The following SLC8A1 variants were observed in gnomAD, a reference collection of about 807,000 sequenced individuals.
SLC8A1 encodes the protein solute carrier family 8 member A1.
A neutral mutation model predicts 68.3 loss-of-function variants in SLC8A1; 18 were observed. The ratio of observed to expected loss-of-function variants is 0.26; its 90% CI spans 0.18 to 0.39. SLC8A1 has a LOEUF of 0.39. SLC8A1 is among the 10% of genes least tolerant of loss of function. The probability of loss-of-function intolerance (pLI) is 1.00; values close to 1 mark genes in which losing one functional copy is unlikely to be tolerated. For synonymous variants in SLC8A1, 475 were observed against 415.5 expected, an observed-to-expected ratio of 1.14 and a Z score of -1.74; for missense variants, 985 against 1,156.7, an observed-to-expected ratio of 0.85 and a Z score of 2.15.
chr2:40,344,972 C>T (rs1443866709), intron 2 of SLC8A1, among the ~76,000 whole-genome samples: 1 of 151,824 alleles, frequency 6.6e-6, no homozygotes, highest in African/African-American at 2.4e-5. Flanking sequence ...CTAGAGGACT[C>T]TGGGAATCAT....
chr2:40,135,305 G>C (rs1390585656), intron 7 of SLC8A1, among the ~76,000 whole-genome samples: 1 of 152,194 alleles, frequency 6.6e-6, no homozygotes, highest in Non-Finnish European at 1.5e-5. Flanking sequence ...CAGAAGCAGG[G>C]AGACAGATAG....
At chr2:40,326,143 C>G (rs1218442679) in intron 2 of SLC8A1, among the ~76,000 whole-genome samples, 3 of 152,126 alleles carry the variant, frequency 2.0e-5, no homozygotes, top group South Asian at 4.1e-4. Flanking sequence ...GGTAGCAAAA[C>G]TATAGGACTC....
At chr2:40,360,477 T>A (rs997334763) in intron 2 of SLC8A1, among the ~76,000 whole-genome samples, 6 of 152,172 alleles carry the variant, frequency 3.9e-5, no homozygotes, top group African/African-American at 1.4e-4. Flanking sequence ...TCCTCTACCT[T>A]ATTGAATAAC....
intron 2 of SLC8A1, among the ~76,000 whole-genome samples, chr2:40,400,774 T>C (rs1398708087): frequency 6.6e-6 from 1 of 152,024 alleles, no homozygotes; most frequent in African/African-American, 2.4e-5. Flanking sequence ...CTAGAAGAGA[T>C]TTTGGTGATG....
chr2:40,239,527 A>T (rs1189021578), intron 2 of SLC8A1, among the ~76,000 whole-genome samples: 1 of 152,178 alleles, frequency 6.6e-6, no homozygotes, highest in Non-Finnish European at 1.5e-5. Flanking sequence ...GTACACAAGT[A>T]AATGTGGCAG....
At chr2:40,421,317 A>G (rs1259398491) in intron 2 of SLC8A1, among the ~76,000 whole-genome samples, 7 of 152,018 alleles carry the variant, frequency 4.6e-5, no homozygotes, top group Admixed American at 4.6e-4. Flanking sequence ...TAACTGGCTG[A>G]AAGGCACAAA....
At chr2:40,451,322 C>A (rs1024813243) in intron 1 of SLC8A1, among the ~76,000 whole-genome samples, 3 of 152,136 alleles carry the variant, frequency 2.0e-5, no homozygotes, top group Non-Finnish European at 4.4e-5. Context: ...CCCTGCTACC[C>A]CCTACATTTC....
chr2:40,396,896 C>T (rs1207497952), intron 2 of SLC8A1, among the ~76,000 whole-genome samples: 1 of 151,944 alleles, frequency 6.6e-6, no homozygotes, highest in Non-Finnish European at 1.5e-5. Flanking sequence ...CCACAGGGAT[C>T]CACTGTTCAG....
chr2:40,228,091 G>C (rs917894881), intron 2 of SLC8A1, among the ~76,000 whole-genome samples: 1 of 152,044 alleles, frequency 6.6e-6, no homozygotes, highest in Admixed American at 6.6e-5. Flanking sequence ...AAAACCATTT[G>C]TCTTGAGGAC....
chr2:40,162,600 T>C (rs533139378), intron 5 of SLC8A1, among the ~76,000 whole-genome samples: 76 of 152,324 alleles, frequency 5.0e-4, no homozygotes, highest in Admixed American at 7.2e-4. Context: ...TGGGGGATTA[T>C]AGTATAGCCA....
At chr2:40,310,061 G>A (rs146967391) in intron 2 of SLC8A1, among the ~76,000 whole-genome samples, 1 of 152,130 alleles carries the variant, frequency 6.6e-6, no homozygotes, top group Non-Finnish European at 1.5e-5. Context: ...CATACAATAT[G>A]TCACCTTTTG....
At chr2:40,386,754 C>T (rs904801397) in intron 2 of SLC8A1, among the ~76,000 whole-genome samples, 2 of 150,960 alleles carry the variant, frequency 1.3e-5, no homozygotes, top group African/African-American at 4.9e-5. Flanking sequence ...GCATTGGTTA[C>T]TCCTCATTGC....
rs142703855 is a variant in SLC8A1 at position 40,098,545 on chromosome 2, G to A, written c.*16708C>T. 61 of 152,044 alleles carry A rather than the reference G, an allele frequency of 4.0e-4. No homozygotes were observed. In the East Asian group the frequency reaches 0.011, roughly 27 times the overall value. The allele number at this position is 152,044 out of a possible 1,614,324, so 9.4% of individuals were successfully genotyped here. ...AGTGCTTGAAAGGGAATGTTTTGATGCTTTTCATATTAGAGAAGATCTGTC... is the reference window on the plus strand; with the variant it reads ...AGTGCTTGAAAGGGAATGTTTTGATACTTTTCATATTAGAGAAGATCTGTC... On this transcript the variant is annotated 3_prime_UTR_variant, in exon 8 of 8. Transcript: ENST00000406785.
intron 1 of SLC8A1, among the ~76,000 whole-genome samples, chr2:40,462,996 CA>C (rs1703434199): frequency 6.8e-6 from 1 of 146,252 alleles, no homozygotes; most frequent in Non-Finnish European, 1.5e-5. Context: ...GTGTTAGACA[CA>C]ATGGAATTAT....
At chr2:40,293,665 T>G (rs1217790158) in intron 2 of SLC8A1, among the ~76,000 whole-genome samples, 1 of 152,128 alleles carries the variant, frequency 6.6e-6, no homozygotes, top group African/African-American at 2.4e-5. Flanking sequence ...AGAAAGCAAC[T>G]CTATTAAGCT....
intron 2 of SLC8A1, among the ~76,000 whole-genome samples, chr2:40,212,247 C>G: frequency 6.8e-6 from 1 of 147,304 alleles, no homozygotes; most frequent in South Asian, 2.1e-4. Context: ...TTATCTGTTA[C>G]TTATTTCCAG....
chr2:40,176,940 C>T (rs978701444), intron 3 of SLC8A1, among the ~76,000 whole-genome samples: 1 of 152,134 alleles, frequency 6.6e-6, no homozygotes, highest in African/African-American at 2.4e-5. Context: ...AAAAAATCCT[C>T]TGTAAAGCTG....
chr2:40,374,655 G>A (rs1230862376), intron 2 of SLC8A1, among the ~76,000 whole-genome samples: 1 of 151,906 alleles, frequency 6.6e-6, no homozygotes, highest in African/African-American at 2.4e-5. Flanking sequence ...GGTGATGGTG[G>A]CAGACAGAAT....
At chr2:40,117,392 C>T (rs1320103456) in intron 7 of SLC8A1, among the ~76,000 whole-genome samples, 1 of 58,744 alleles carries the variant, frequency 1.7e-5, no homozygotes, top group Non-Finnish European at 3.1e-5. Context: ...ACTAAAAATA[C>T]AAAAAAAAAA....
Sources: allele counts gnomAD v4.1 joint callset (sites outside exome capture counted in the v4.1 genomes callset), GRCh38; gene constraint gnomAD v4.1.1; transcripts MANE v1.5; gene names NCBI Gene and HGNC (gene_info 2026-07-23, HGNC 2026-07-21).